Variants in SYNE1 observed in about 807,000 individuals in gnomAD.
SYNE1 encodes nesprin-1.
A neutral mutation model predicts 1,111.0 loss-of-function variants in SYNE1; 616 were observed. That is an observed-to-expected ratio of 0.55 (90% CI 0.52 to 0.59). SYNE1 has a LOEUF of 0.59. SYNE1 is among the 20% of genes least tolerant of loss of function. The probability of loss-of-function intolerance (pLI) is 0.00; values close to 1 mark genes in which losing one functional copy is unlikely to be tolerated. For missense variants in SYNE1, 10,006 were observed against 10,417.0 expected (o/e 0.96, Z 1.72); for synonymous variants, 3,855 against 3,825.8 (o/e 1.01, Z -0.28).
chr6:152,611,059 C>T (rs2099629888), intron 3 of SYNE1, among the ~76,000 whole-genome samples: 1 of 152,124 alleles, frequency 6.6e-6, no homozygotes, highest in Admixed American at 6.5e-5. Context: ...TTGTAAAGAC[C>T]ATTGATGCTA....
intron 93 of SYNE1, among the ~76,000 whole-genome samples, chr6:152,297,469 A>G (rs953567689): frequency 2.0e-5 from 3 of 151,934 alleles, no homozygotes; most frequent in African/African-American, 7.3e-5. Context: ...CCTCACACAC[A>G]CTGTAAGCTC....
chr6:152,254,258 T>TTTC (rs2153615630), intron 104 of SYNE1, among the ~76,000 whole-genome samples: 1 of 132,930 alleles, frequency 7.5e-6, no homozygotes, highest in East Asian at 2.2e-4. Flanking sequence ...TTTTTTTTTT[T>TTTC]TTTTTTTTTT....
chr6:152,153,924 C>T (rs80005912), intron 133 of SYNE1, among the ~76,000 whole-genome samples: 71 of 152,278 alleles, frequency 4.7e-4, no homozygotes, highest in African/African-American at 1.6e-3. Flanking sequence ...TCTTATTTCC[C>T]ATCATAGGCC....
chr6:152,342,977 T>C (rs2096561901), intron 74 of SYNE1, among the ~76,000 whole-genome samples: 1 of 152,182 alleles, frequency 6.6e-6, no homozygotes, highest in Non-Finnish European at 1.5e-5. Flanking sequence ...TGTAGTGTGA[T>C]ATTTGCATTT....
At chr6:152,244,418 A>C (rs1262054842) in intron 106 of SYNE1, 119 bp downstream of exon 106, 1 of 1,488,470 alleles carries the variant, frequency 6.7e-7, no homozygotes, top group Admixed American at 1.7e-5. Context: ...CTTGGTAGAA[A>C]GGTTAGGACC....
At chr6:152,472,022 A>G (rs958761776) in intron 15 of SYNE1, 2 of 591,366 alleles carry the variant, frequency 3.4e-6, no homozygotes, top group Admixed American at 6.0e-5. Flanking sequence ...TGTTTTTGCA[A>G]TATTACATAA....
chr6:152,249,719 C>T (rs2088542358), intron 104 of SYNE1, among the ~76,000 whole-genome samples: 1 of 152,012 alleles, frequency 6.6e-6, no homozygotes, highest in African/African-American at 2.4e-5. Flanking sequence ...GTTTCTTCTT[C>T]TATTTTTGGA....
chr6:152,139,742 A>AAAGAAAGAAAGG (rs1562954833), intron 140 of SYNE1, among the ~76,000 whole-genome samples: 4 of 145,928 alleles, frequency 2.7e-5, no homozygotes, highest in Non-Finnish European at 4.5e-5. Flanking sequence ...AGAAAGAAAG[A>AAAGAAAGAAAGG]AAGAAAGAAA....
intron 55 of SYNE1, among the ~76,000 whole-genome samples, chr6:152,383,430 G>A (rs1351990210): frequency 1.3e-5 from 2 of 152,086 alleles, no homozygotes; most frequent in Non-Finnish European, 2.9e-5. Flanking sequence ...ATGTTTCTCA[G>A]ACTGGTTGCC....
intron 95 of SYNE1, among the ~76,000 whole-genome samples, chr6:152,289,499 T>G (rs2094478954): frequency 6.6e-6 from 1 of 152,240 alleles, no homozygotes. Flanking sequence ...CAAGCAATTC[T>G]GCTGTCTCAG....
At chr6:152,475,581 A>C (rs949375044) in intron 14 of SYNE1, among the ~76,000 whole-genome samples, 1 of 152,200 alleles carries the variant, frequency 6.6e-6, no homozygotes, top group Non-Finnish European at 1.5e-5. Flanking sequence ...ATAAAGATTA[A>C]ACTTTCAACT....
Position 152,350,333 on chromosome 6 carries a change from C to A in SYNE1, c.11736G>T (p.Glu3912Asp). 1.2e-6 allele frequency: 2 copies of A among 1,614,148 alleles called. No individual in the cohort carries two copies. The highest frequency in any genetic ancestry group is 2.2e-5 in the South Asian group (2 of 91,082). The change falls in exon 72 of 146, where the codon GAG becomes GAT. Residue 3912 changes from glutamate (E) to aspartate (D), a missense_variant and splice_region_variant. By Grantham distance (45) the Glu-to-Asp change is conservative (BLOSUM62 2). This residue lies in a region of SYNE1 where 4,955 missense variants were observed against 5,017.2 expected (regional missense o/e 0.99). Coordinates refer to ENST00000367255, the MANE Select transcript of SYNE1 (RefSeq NM_182961.4). ...DYQDLCSIGK[E>D]HVFSLEAKVK... ...CTTTCGCCTCCAGACTGAAGACATG[C>A]TCCTGCAAAACCAGGTGTCCATCAG...
intron 10 of SYNE1, among the ~76,000 whole-genome samples, chr6:152,500,278 G>T (rs909177258): frequency 6.6e-6 from 1 of 152,158 alleles, no homozygotes; most frequent in Non-Finnish European, 1.5e-5. Flanking sequence ...AGCCCCAGAT[G>T]ACTCCAAAAT....
rs141079668 is a variant in SYNE1 at position 152,474,920 on chromosome 6, A to G, written c.1351-2507T>C. ...CTTAATCAACTTATAAATAGCAAGAAAGTAGAAAAGAAGAAAAAGTAGAAC... is the reference window on the plus strand; with the variant it reads ...CTTAATCAACTTATAAATAGCAAGAGAGTAGAAAAGAAGAAAAAGTAGAAC... On this transcript the variant is annotated intron_variant, in intron 14 of 145. Coordinates refer to ENST00000367255, the MANE Select transcript of SYNE1 (RefSeq NM_182961.4). Among the ~76,000 whole-genome samples, 11 of 152,312 alleles carry G rather than the reference A, an allele frequency of 7.2e-5. No individual in the cohort carries two copies. The East Asian group carries it at 2.1e-3, about 29-fold the overall frequency.
In SYNE1 at chr6:152,465,344, C is replaced by G; in HGVS notation, c.1846G>C (p.Asp616His). ...SMLEEVISNW[D>H]RYGNTVASLQ... ...CTAGCCACTGTATTGCCATAGCGATCCCAGTTAGAGATCACTTCTTCCAGC... is the reference window on the plus strand; with the variant it reads ...CTAGCCACTGTATTGCCATAGCGATGCCAGTTAGAGATCACTTCTTCCAGC... Residue 616 changes from aspartate to histidine, a missense_variant, in exon 18 of 146, where the codon GAT (aspartate) becomes CAT (histidine). Physicochemically the swap from Asp to His is moderately conservative, Grantham distance 81. This residue lies in a region of SYNE1 where 1,971 missense variants were observed against 2,084.1 expected (regional missense o/e 0.95). Coordinates refer to ENST00000367255, the MANE Select transcript of SYNE1 (RefSeq NM_182961.4). 6.2e-7 allele frequency: 1 copy of G among 1,613,846 alleles called. No individual in the cohort carries two copies. The highest frequency in any genetic ancestry group is 8.5e-7 in the Non-Finnish European group (1 of 1,179,814).
intron 24 of SYNE1, 69 bp from the exon 25 acceptor site, chr6:152,453,789 C>T (rs1429099615): frequency 4.4e-5 from 70 of 1,599,404 alleles, no homozygotes; most frequent in Admixed American, 6.7e-5. Flanking sequence ...CACAATCAGC[C>T]TCTAAGCCTC....
chr6:152,344,006 A>C, intron 74 of SYNE1, 75 bp downstream of exon 74: 1 of 1,597,848 alleles, frequency 6.3e-7, no homozygotes, highest in Non-Finnish European at 8.6e-7. Context: ...TTGGCACATC[A>C]TAGGTACTTC....
At chr6:152,450,402 G>T (rs1283100881) in intron 27 of SYNE1, among the ~76,000 whole-genome samples, 1 of 152,196 alleles carries the variant, frequency 6.6e-6, no homozygotes, top group Non-Finnish European at 1.5e-5. Flanking sequence ...GGGAGAAAGG[G>T]ATTGGCCAAC....
intron 100 of SYNE1, among the ~76,000 whole-genome samples, chr6:152,264,316 G>A (rs542026899): frequency 8.0e-5 from 12 of 150,128 alleles, no homozygotes; most frequent in African/African-American, 2.9e-4. Context: ...CTAAAACCGT[G>A]TCATCTAAAA....
Sources: gnomAD v4.1 joint callset for allele counts (sites outside exome capture counted in the v4.1 genomes callset) on GRCh38, gnomAD v4.1.1 for gene constraint, gnomAD v4.1.1 regional missense constraint, MANE v1.5 for transcripts, NCBI Gene and HGNC (gene_info 2026-07-23, HGNC 2026-07-21) for gene names.